WDR33: variants seen among roughly 807,000 people sequenced by gnomAD.
The protein encoded by WDR33 is WD repeat domain 33.
Under a neutral mutation model 164.9 loss-of-function variants are expected in WDR33, and 47 were observed. That is an observed-to-expected ratio of 0.29 (90% CI 0.23 to 0.36). The LOEUF is 0.36. Ranked by LOEUF, WDR33 falls within the 10% of genes least tolerant of loss-of-function variation. The pLI is 1.00. For missense variants in WDR33, 1,137 were observed against 1,754.1 expected, an observed-to-expected ratio of 0.65 and a Z score of 6.28; for synonymous variants, 505 against 589.0, an observed-to-expected ratio of 0.86 and a Z score of 2.06.
At chr2:127,769,036 AATAG>A (rs759684995) in intron 2 of WDR33, 35 bp from the exon 3 acceptor site, 50 of 1,126,556 alleles carry the variant, frequency 4.4e-5, no homozygotes, top group Middle Eastern at 3.2e-4. Context: ...TAAATAAATA[AATAG>A]ATCAATTAAT....
intron 7 of WDR33, chr2:127,736,080 G>C: frequency 1.0e-6 from 1 of 985,426 alleles, no homozygotes; most frequent in Non-Finnish European, 1.2e-6. Context: ...AAATGGGTAA[G>C]TTTCTTTCCC....
intron 1 of WDR33, among the ~76,000 whole-genome samples, chr2:127,773,552 A>G (rs1432315459): frequency 6.6e-6 from 1 of 152,226 alleles, no homozygotes; most frequent in Non-Finnish European, 1.5e-5. Flanking sequence ...CTTGGCAAAC[A>G]TTAACTTGAA....
Position 127,719,490 on chromosome 2 carries a change from C to T in WDR33, c.2535G>A (p.Met845Ile). The change falls in exon 16 of 22, where the codon ATG (methionine) becomes ATA (isoleucine). Residue 845 changes from methionine to isoleucine, a missense_variant. By Grantham distance (10) the Met-to-Ile change is conservative (BLOSUM62 1). Coordinates refer to ENST00000322313, the MANE Select transcript of WDR33 (RefSeq NM_018383.5). This position sits in a 1 kb window ranked among gnomAD's most constrained non-coding sequence, Gnocchi z 6.5. ...CTCGCAATTCCTGGGGAGGTCCCAG[C>T]ATTGATCCTTGGGGTGGAGGCCCCT... ...GMQGPPPQGS[M>I]LGPPQELRGP... The T allele has an allele frequency of 6.2e-7, 1 of 1,609,854 alleles. No homozygotes were observed. Among genetic ancestry groups the T allele is most frequent in the Non-Finnish European group, 8.5e-7 (1 of 1,177,538 alleles).
intron 7 of WDR33, among the ~76,000 whole-genome samples, chr2:127,731,316 A>AAAAC (rs1686702288): frequency 6.7e-6 from 1 of 150,090 alleles, no homozygotes; most frequent in African/African-American, 2.5e-5. Flanking sequence ...AAAAAAAAAA[A>AAAAC]AACACAGAAA....
At chr2:127,784,891 C>G (rs1688507075) in intron 1 of WDR33, among the ~76,000 whole-genome samples, 1 of 152,146 alleles carries the variant, frequency 6.6e-6, no homozygotes, top group Admixed American at 6.6e-5. Flanking sequence ...AACCATTGTT[C>G]TCATCTTAAA....
chr2:127,793,953 G>A (rs1431835101), intron 1 of WDR33, among the ~76,000 whole-genome samples: 1 of 152,058 alleles, frequency 6.6e-6, no homozygotes, highest in African/African-American at 2.4e-5. Context: ...TGGGCAAAAT[G>A]GTGAAACCCT....
chr2:127,790,646 T>C (rs932173578), intron 1 of WDR33, among the ~76,000 whole-genome samples: 7 of 152,182 alleles, frequency 4.6e-5, no homozygotes, highest in African/African-American at 1.7e-4. Context: ...TCTCACTCCA[T>C]TGCCCAGGCT....
intron 1 of WDR33, among the ~76,000 whole-genome samples, chr2:127,805,513 T>C (rs1017617525): frequency 1.2e-4 from 19 of 152,136 alleles, no homozygotes; most frequent in Admixed American, 6.6e-5. Context: ...CATGACATTT[T>C]AAGCATACAA....
rs1226427248 is a variant in WDR33 at position 127,714,039 on chromosome 2, G to A, written c.2870-18C>T. The A allele has an allele frequency of 6.7e-7, 1 of 1,502,410 alleles. No individual in the cohort carries two copies. The highest frequency in any genetic ancestry group is 2.3e-5 in the East Asian group (1 of 43,810). The allele number at this position is 1,502,410 out of a possible 1,614,324, so 93.1% of individuals were successfully genotyped here. On this transcript the variant is annotated intron_variant, in intron 17 of 21. Coordinates refer to ENST00000322313, the MANE Select transcript of WDR33 (RefSeq NM_018383.5). The surrounding 1 kb of genome is among the most constrained non-coding windows in gnomAD (Gnocchi z 4.3). ...GGAGTCACCTAAAGGAAACAAAGCTGACTTTTACCATGTCTTCCAGGAAAC... is the reference window on the plus strand; with the variant it reads ...GGAGTCACCTAAAGGAAACAAAGCTAACTTTTACCATGTCTTCCAGGAAAC...
At chr2:127,801,532 AAAAAC>A (rs893168746) in intron 1 of WDR33, among the ~76,000 whole-genome samples, 24 of 152,146 alleles carry the variant, frequency 1.6e-4, no homozygotes, top group Admixed American at 1.6e-3. Context: ...CAAAAAAAAA[AAAAAC>A]AGTACAATCA....
intron 7 of WDR33, among the ~76,000 whole-genome samples, chr2:127,752,832 T>C (rs1687411962): frequency 6.6e-6 from 1 of 152,236 alleles, no homozygotes; most frequent in Admixed American, 6.5e-5. Flanking sequence ...GAACCAATGA[T>C]AGCACATTGG....
rs867241597 is a variant in WDR33, at chr2:127,718,125, T to A, written c.2761-862A>T. ...CAGACATCATCAGATTCTCCATGAC[T>A]ACGACACTTTTAGGTTCTGGAAGAC... On this transcript the variant is annotated intron_variant, in intron 16 of 21. Coordinates refer to ENST00000322313, the MANE Select transcript of WDR33 (RefSeq NM_018383.5). The surrounding 1 kb of genome is among the most constrained non-coding windows in gnomAD (Gnocchi z 4.4). Among the ~76,000 whole-genome samples the A allele has an allele frequency of 6.6e-5, 10 of 152,214 alleles. No individual in the cohort carries two copies. The highest frequency in any genetic ancestry group is 1.5e-4 in the Non-Finnish European group (10 of 68,036).
At chr2:127,728,910 A>T (rs1048375836) in intron 7 of WDR33, among the ~76,000 whole-genome samples, 1 of 152,310 alleles carries the variant, frequency 6.6e-6, no homozygotes, top group East Asian at 1.9e-4. Flanking sequence ...GTTTAGTTTT[A>T]AGGTATGTTT....
chr2:127,736,370 G>C (rs957109746), intron 7 of WDR33: 2 of 985,304 alleles, frequency 2.0e-6, no homozygotes, highest in East Asian at 2.3e-4. Flanking sequence ...ATTCAGAAAT[G>C]AGTGTTGCAA....
Position 127,701,785 on chromosome 2 carries a change from T to A in WDR33, c.*4538A>T, listed in dbSNP as rs763854556. On this transcript the variant is annotated 3_prime_UTR_variant, in exon 22 of 22. Transcript: ENST00000322313. ...GCGGCGGGCGGCGGGTGCCTGCTGC[T>A]GGCTGCACTGTGTTTCGGCCTAGCC... 4.6e-4 allele frequency: 664 copies of A among 1,445,710 alleles called. 1 individual carries two copies. Among genetic ancestry groups the A allele is most frequent in the Admixed American group, 1.1e-3 (45 of 39,796 alleles). 89.6% of individuals were successfully genotyped at this position (1,445,710 alleles called of 1,614,324 possible).
rs938738602 is a variant in WDR33, at chr2:127,735,523, T to G, written c.725-8746A>C. 3 of 985,564 alleles carry G rather than the reference T, an allele frequency of 3.0e-6. No homozygotes were observed. In the African/African-American group the frequency reaches 5.2e-5, roughly 17 times the overall value. 61.1% of individuals were successfully genotyped at this position (985,564 alleles called of 1,614,324 possible). ...AAACTTATAAAAAGCACCAAGATTT[T>G]CTAATACAGGAAGAAAAAAGGCAAA... On this transcript the variant is annotated intron_variant, in intron 7 of 21. Coordinates refer to ENST00000322313, the MANE Select transcript of WDR33 (RefSeq NM_018383.5). The surrounding 1 kb of genome is among the most constrained non-coding windows in gnomAD (Gnocchi z 4.3).
chr2:127,801,901 C>G (rs1360663657), intron 1 of WDR33, among the ~76,000 whole-genome samples: 1 of 151,384 alleles, frequency 6.6e-6, no homozygotes. Context: ...ATGGTTAAGG[C>G]CAGGCACAGT....
chr2:127,737,663 C>T, intron 7 of WDR33: 1 of 1,037,034 alleles, frequency 9.6e-7, no homozygotes, highest in Non-Finnish European at 1.2e-6. Flanking sequence ...ATGACTGAAG[C>T]CCCTGGTAAG....
chr2:127,720,042 C>T lies in WDR33; in HGVS notation c.1983G>A (p.Pro661=), dbSNP rs370247169. 186 of 1,613,814 alleles carry T rather than the reference C, an allele frequency of 1.2e-4. No homozygotes were observed. Among genetic ancestry groups the T allele is most frequent in the Non-Finnish European group, 1.4e-4 (162 of 1,179,918 alleles). The change falls in exon 16 of 22, where the codon CCG becomes CCA. Residue 661 remains proline (P), a synonymous_variant. Coordinates refer to ENST00000322313, the MANE Select transcript of WDR33 (RefSeq NM_018383.5). This position sits in a 1 kb window ranked among gnomAD's most constrained non-coding sequence, Gnocchi z 5.9. ...CCTGAGGCCGTGGCAACCCCTGGGG[C>T]GGGCCCTGGGGCCCCTGTGGTCCCA... ...GFMGPQGPQG[P]PQGLPRPQDM...
Sources: gnomAD v4.1 joint callset for allele counts (sites outside exome capture counted in the v4.1 genomes callset) on GRCh38, gnomAD v4.1.1 for gene constraint, Gnocchi (gnomAD v3.1) non-coding constraint, MANE v1.5 for transcripts, NCBI Gene and HGNC (gene_info 2026-07-23, HGNC 2026-07-21) for gene names.